The following CELF4 variants were observed in gnomAD, a reference collection of about 807,000 sequenced individuals.
CELF4 encodes CUGBP Elav-like family member 4.
In CELF4, 18 loss-of-function variants were observed where a neutral mutation model predicts 59.9. The observed-to-expected ratio is 0.30, with a 90% CI of 0.21 to 0.45. The LOEUF (loss-of-function observed/expected upper bound fraction) is 0.45, where lower values mean the gene tolerates loss of function less well. Among genes scored for constraint, CELF4 ranks in the 20% least tolerant of loss-of-function variants. CELF4 has a pLI of 1.00. For synonymous variants in CELF4, 261 were observed against 267.1 expected (o/e 0.98, Z 0.22); for missense variants, 456 against 689.0 (o/e 0.66, Z 3.79).
intron 2 of CELF4, among the ~76,000 whole-genome samples, chr18:37,404,326 C>T (rs932641342): frequency 1.3e-5 from 2 of 152,256 alleles, no homozygotes; most frequent in Middle Eastern, 3.2e-3. Flanking sequence ...GGTCTCCAGA[C>T]TACACCCCAC....
Position 37,565,502 on chromosome 18 carries a change from G to A in CELF4, c.140C>T (p.Pro47Leu), listed in dbSNP as rs1307945832. The change falls in exon 1 of 13, where the codon CCC becomes CTC. Residue 47 changes from proline (P) to leucine (L), a missense_variant. Pro to Leu is a moderately conservative substitution (Grantham distance 98). Transcript: ENST00000420428. ...SHSPGNPSTI[P>L]MKDHDAIKLF... The stretch of plus-strand genomic sequence containing the variant: ...CTTGATGGCATCGTGGTCCTTCATG[G>A]GAATGGTCGACGGGTTCCCCGGGCT... 1 of 1,614,186 alleles carries A rather than the reference G, an allele frequency of 6.2e-7. No individual in the cohort carries two copies. Among genetic ancestry groups the A allele is most frequent in the Non-Finnish European group, 8.5e-7 (1 of 1,180,040 alleles).
At chr18:37,400,426 C>G (rs1480240266) in intron 2 of CELF4, among the ~76,000 whole-genome samples, 1 of 152,190 alleles carries the variant, frequency 6.6e-6, no homozygotes, top group Non-Finnish European at 1.5e-5. Flanking sequence ...TCTGGAGAAG[C>G]CTGACTGACA....
rs778616165 is a variant in CELF4 at position 37,423,052 on chromosome 18, A to ACGCG, written c.369+62472_369+62473insCGCG. ...TTGTGCAGGTTCTACACATAGACAC[A>ACGCG]TGCGCGCGCGCGCACACACACACAC... On this transcript the variant is annotated intron_variant, in intron 2 of 12. Transcript: ENST00000420428. 5.5e-3 allele frequency among the ~76,000 whole-genome samples: 668 copies of ACGCG among 122,142 alleles called. 4 individuals are homozygous for ACGCG. The highest frequency in any genetic ancestry group is 9.1e-3 in the Non-Finnish European group (512 of 56,534). The allele number at this position is 122,142 out of a possible 152,430, so 80.1% of individuals were successfully genotyped here.
At chr18:37,280,891 A>C (rs1205947185) in intron 3 of CELF4, among the ~76,000 whole-genome samples, 1 of 152,162 alleles carries the variant, frequency 6.6e-6, no homozygotes, top group Non-Finnish European at 1.5e-5. Flanking sequence ...TCTAACTCTG[A>C]GCTTTGGTTC....
intron 1 of CELF4, among the ~76,000 whole-genome samples, chr18:37,506,919 T>A (rs1163879619): frequency 6.6e-6 from 1 of 151,950 alleles, no homozygotes; most frequent in Non-Finnish European, 1.5e-5. Flanking sequence ...TGGAAGGGGG[T>A]CAGGCACCCT....
At chr18:37,470,248 C>T (rs566358123) in intron 2 of CELF4, among the ~76,000 whole-genome samples, 4 of 152,196 alleles carry the variant, frequency 2.6e-5, no homozygotes, top group Non-Finnish European at 5.9e-5. Flanking sequence ...AATATGTTGT[C>T]AACCTAAGAC....
chr18:37,544,915 G>C (rs971645521), intron 1 of CELF4, among the ~76,000 whole-genome samples: 1 of 152,198 alleles, frequency 6.6e-6, no homozygotes, highest in Non-Finnish European at 1.5e-5. Flanking sequence ...ACAGGGAGCT[G>C]ATCCTGGGGC....
At chr18:37,427,823 G>C (rs1188963416) in intron 2 of CELF4, among the ~76,000 whole-genome samples, 1 of 152,206 alleles carries the variant, frequency 6.6e-6, no homozygotes, top group Non-Finnish European at 1.5e-5. Context: ...TTCTCCACAT[G>C]GTTGATAGAT....
intron 2 of CELF4, among the ~76,000 whole-genome samples, chr18:37,369,964 G>A (rs1006408451): frequency 5.9e-5 from 9 of 152,198 alleles, no homozygotes; most frequent in African/African-American, 2.2e-4. Context: ...AAGCCGAAAC[G>A]CCCCTCTTCA....
At chr18:37,558,849 A>G (rs2099985701) in intron 1 of CELF4, among the ~76,000 whole-genome samples, 1 of 150,660 alleles carries the variant, frequency 6.6e-6, no homozygotes, top group African/African-American at 2.5e-5. Context: ...TATAAAAGGA[A>G]AGTCGCCTGG....
At chr18:37,562,520 C>A (rs752470250) in intron 1 of CELF4, among the ~76,000 whole-genome samples, 12 of 151,972 alleles carry the variant, frequency 7.9e-5, no homozygotes, top group Non-Finnish European at 1.0e-4. Context: ...TGCCCTGAAA[C>A]CAGGCTTAAC....
chr18:37,279,011 G>T (rs79203475), intron 3 of CELF4, among the ~76,000 whole-genome samples: 6,922 of 152,220 alleles, frequency 0.045, 529 homozygotes, highest in African/African-American at 0.16. Context: ...GAATGACTCT[G>T]TTTCCCCAGC....
intron 3 of CELF4, among the ~76,000 whole-genome samples, chr18:37,320,483 G>A (rs1162918263): frequency 6.6e-6 from 1 of 152,192 alleles, no homozygotes; most frequent in Non-Finnish European, 1.5e-5. Context: ...GGAGGAGGCT[G>A]GAGGTAGGAA....
chr18:37,517,203 C>T (rs961411796), intron 1 of CELF4, among the ~76,000 whole-genome samples: 6 of 152,170 alleles, frequency 3.9e-5, no homozygotes, highest in Non-Finnish European at 7.4e-5. Context: ...CGTCCCCTCT[C>T]CCCACTCAGA....
chr18:37,369,818 T>A (rs888378460), intron 2 of CELF4, among the ~76,000 whole-genome samples: 1 of 152,238 alleles, frequency 6.6e-6, no homozygotes, highest in Non-Finnish European at 1.5e-5. Flanking sequence ...TCTGTGTTCA[T>A]ACTCTCTGTG....
At chr18:37,289,564 C>T (rs1367608774) in intron 3 of CELF4, among the ~76,000 whole-genome samples, 2 of 152,052 alleles carry the variant, frequency 1.3e-5, no homozygotes, top group Non-Finnish European at 2.9e-5. Flanking sequence ...CCTCCCTTCC[C>T]CCACAGCCAG....
intron 1 of CELF4, among the ~76,000 whole-genome samples, chr18:37,563,079 TATATGTA>T (rs2099987047): frequency 6.6e-6 from 1 of 150,424 alleles, no homozygotes. Context: ...ATATATAAAA[TATATGTA>T]ATATATGTAT....
intron 2 of CELF4, among the ~76,000 whole-genome samples, chr18:37,342,809 A>C (rs1350314917): frequency 6.6e-6 from 1 of 152,218 alleles, no homozygotes; most frequent in African/African-American, 2.4e-5. Context: ...TAATGCAAAA[A>C]AAGTTGAATC....
At position 37,486,249 on chromosome 18, in the gene CELF4, C is replaced by T. The variant is rs569587625; in HGVS notation, c.287-642G>A. Reference sequence around the variant, plus strand: ...TTCTAGGGCATATCCAGGCCACCGACTTACAGCACTAGACCACCCTTGCTC... The same window carrying T: ...TTCTAGGGCATATCCAGGCCACCGATTTACAGCACTAGACCACCCTTGCTC... On this transcript the variant is annotated intron_variant, in intron 1 of 12. Coordinates refer to ENST00000420428, the MANE Select transcript of CELF4 (RefSeq NM_020180.4). Among the ~76,000 whole-genome samples the T allele has an allele frequency of 3.9e-5, 6 of 152,330 alleles. No homozygotes were observed. In the East Asian group the frequency reaches 1.2e-3, roughly 29 times the overall value.
Sources: allele counts gnomAD v4.1 joint callset (sites outside exome capture counted in the v4.1 genomes callset), GRCh38; gene constraint gnomAD v4.1.1; transcripts MANE v1.5; gene names NCBI Gene and HGNC (gene_info 2026-07-23, HGNC 2026-07-21).